The following PSD3 variants were observed in gnomAD, a reference collection of about 807,000 sequenced individuals.
PSD3 encodes pleckstrin and Sec7 domain containing 3, also known as PH and SEC7 domain-containing protein 3.
PSD3 carries 49 observed loss-of-function variants against 105.5 expected under a neutral mutation model. The ratio of observed to expected loss-of-function variants is 0.46; its 90% CI spans 0.37 to 0.59. The LOEUF (loss-of-function observed/expected upper bound fraction) is 0.59, where lower values mean the gene tolerates loss of function less well. PSD3 is among the 20% of genes least tolerant of loss of function. The pLI is 0.00. For synonymous variants in PSD3, 557 were observed against 457.8 expected, an observed-to-expected ratio of 1.22 and a Z score of -2.77; for missense variants, 1,561 against 1,263.8, an observed-to-expected ratio of 1.24 and a Z score of -3.57.
intron 1 of PSD3, among the ~76,000 whole-genome samples, chr8:19,055,589 A>G (rs1828684893): frequency 6.6e-6 from 1 of 152,182 alleles, no homozygotes; most frequent in African/African-American, 2.4e-5. Context: ...CTGCATCATT[A>G]ATCCTTGGGA....
intron 4 of PSD3, among the ~76,000 whole-genome samples, chr8:18,846,398 C>A (rs779642337): frequency 6.6e-6 from 1 of 152,056 alleles, no homozygotes; most frequent in South Asian, 2.1e-4. Flanking sequence ...TGAACAGAAA[C>A]GTAGGGGGCG....
At chr8:18,609,403 C>T (rs1442966123) in intron 11 of PSD3, among the ~76,000 whole-genome samples, 1 of 152,184 alleles carries the variant, frequency 6.6e-6, no homozygotes, top group East Asian at 1.9e-4. Context: ...CCAATGATGG[C>T]ATTCCAAAAT....
chr8:18,983,080 A>T (rs1476216844), intron 1 of PSD3, among the ~76,000 whole-genome samples: 1 of 152,214 alleles, frequency 6.6e-6, no homozygotes, highest in African/African-American at 2.4e-5. Context: ...TCTTCTGAAT[A>T]ACTTGATGCA....
intron 1 of PSD3, among the ~76,000 whole-genome samples, chr8:18,986,226 A>G (rs1317186953): frequency 6.6e-6 from 1 of 152,216 alleles, no homozygotes; most frequent in Non-Finnish European, 1.5e-5. Context: ...GCATTAATGA[A>G]TAGATATAAA....
In PSD3 at chr8:18,775,240, A is replaced by G. The variant is rs528643250; in HGVS notation, c.2083-9702T>C. ...TATTCCACTTATATTTATGTACCAC[A>G]TTTTCTATATCCATTCATCTATAAA... is the stretch of plus-strand genomic sequence containing the variant. On this transcript the variant is annotated intron_variant, in intron 8 of 15. Transcript: ENST00000327040. Among the ~76,000 whole-genome samples, 230 of 152,248 alleles carry G rather than the reference A, an allele frequency of 1.5e-3. 2 individuals are homozygous for G. The highest frequency in any genetic ancestry group is 5.2e-3 in the African/African-American group (217 of 41,542).
intron 1 of PSD3, among the ~76,000 whole-genome samples, chr8:19,065,284 T>C (rs559800252): frequency 5.3e-5 from 8 of 152,300 alleles, no homozygotes; most frequent in Non-Finnish European, 1.0e-4. Context: ...ACCAAACGTG[T>C]GTGTGGTGGG....
chr8:19,074,622 T>A (rs1410149891), intron 1 of PSD3, among the ~76,000 whole-genome samples: 10 of 113,854 alleles, frequency 8.8e-5, no homozygotes, highest in Non-Finnish European at 1.1e-4. Flanking sequence ...TTTTTTTTTT[T>A]TTTTTTTTTT....
intron 15 of PSD3, among the ~76,000 whole-genome samples, chr8:18,541,173 C>A (rs1800130948): frequency 7.4e-6 from 1 of 134,614 alleles, no homozygotes; most frequent in Non-Finnish European, 1.6e-5. Context: ...AAAAAAAAAA[C>A]CTTTTGATTT....
At chr8:18,681,695 A>G (rs1800399142) in intron 9 of PSD3, among the ~76,000 whole-genome samples, 1 of 152,050 alleles carries the variant, frequency 6.6e-6, no homozygotes, top group Non-Finnish European at 1.5e-5. Flanking sequence ...TCATTTAGGG[A>G]ATATAAATGG....
rs1390694614 is a variant in PSD3, at chr8:18,590,653, T to A, written c.2481+9711A>T. Among the ~76,000 whole-genome samples the A allele has an allele frequency of 4.0e-5, 6 of 151,550 alleles. No individual in the cohort carries two copies. In the East Asian group the frequency reaches 7.7e-4, roughly 19 times the overall value. On this transcript the variant is annotated intron_variant, in intron 12 of 15. Coordinates refer to ENST00000327040, the MANE Select transcript of PSD3 (RefSeq NM_015310.4). ...TAAGAAAATAAAAGAGATATGTGCA[T>A]GTGTGTGTGTGCAGTGTTATTTTAT... is the stretch of plus-strand genomic sequence containing the variant.
chr8:18,984,182 C>A (rs930467197), intron 1 of PSD3, among the ~76,000 whole-genome samples: 1 of 122,144 alleles, frequency 8.2e-6, no homozygotes, highest in East Asian at 2.5e-4. Flanking sequence ...TTGCCACAAC[C>A]CTTCAATTAA....
intron 1 of PSD3, among the ~76,000 whole-genome samples, chr8:19,037,061 T>C (rs1055519344): frequency 6.6e-6 from 1 of 152,232 alleles, no homozygotes; most frequent in African/African-American, 2.4e-5. Flanking sequence ...CCCATGTGAC[T>C]GCCAAAGGAC....
At chr8:18,900,327 A>G (rs1346908460) in intron 2 of PSD3, among the ~76,000 whole-genome samples, 1 of 152,154 alleles carries the variant, frequency 6.6e-6, no homozygotes, top group Non-Finnish European at 1.5e-5. Context: ...TACATTTTCA[A>G]TATAAAAAAG....
At chr8:18,804,664 C>G in intron 5 of PSD3, 40 bp downstream of exon 5, 1 of 1,611,718 alleles carries the variant, frequency 6.2e-7, no homozygotes. Context: ...ACACACAAAA[C>G]AGGAGAGAAT....
intron 1 of PSD3, among the ~76,000 whole-genome samples, chr8:18,975,344 T>C (rs1824881130): frequency 6.7e-6 from 1 of 149,970 alleles, no homozygotes; most frequent in African/African-American, 2.5e-5. Context: ...TGCCAATATG[T>C]ACCATAGGCT....
intron 14 of PSD3, among the ~76,000 whole-genome samples, chr8:18,562,161 TG>T (rs767803504): frequency 6.6e-6 from 1 of 152,110 alleles, no homozygotes; most frequent in Admixed American, 6.5e-5. Context: ...GGCACTGTGC[TG>T]GGTGCTGGGA....
At chr8:18,763,653 G>C (rs1274247242) in intron 9 of PSD3, among the ~76,000 whole-genome samples, 1 of 152,118 alleles carries the variant, frequency 6.6e-6, no homozygotes, top group East Asian at 1.9e-4. Context: ...GGAAGAAAGG[G>C]AGGAAAGGGA....
chr8:19,074,592 C>CATATATAT (rs1240382273), intron 1 of PSD3, among the ~76,000 whole-genome samples: 1,397 of 65,706 alleles, frequency 0.021, 33 homozygotes, highest in Non-Finnish European at 0.027. Context: ...CAGATATATA[C>CATATATAT]ATATATATAT....
chr8:18,593,652 C>T lies in PSD3; in HGVS notation c.2481+6712G>A, dbSNP rs1481713991. ...TATACCCAAAGGATTATAAATCATG[C>T]TGCTATAAAGACACATGCTCACGTA... On this transcript the variant is annotated intron_variant, in intron 12 of 15. Transcript: ENST00000327040. Among the ~76,000 whole-genome samples, 5 of 152,198 alleles carry T rather than the reference C, an allele frequency of 3.3e-5. No homozygotes were observed. In the South Asian group the frequency reaches 1.0e-3, roughly 32 times the overall value.
Sources: gnomAD v4.1 joint callset for allele counts (sites outside exome capture counted in the v4.1 genomes callset) on GRCh38, gnomAD v4.1.1 for gene constraint, MANE v1.5 for transcripts, NCBI Gene and HGNC (gene_info 2026-07-23, HGNC 2026-07-21) for gene names.